HYOU1: variants seen among roughly 807,000 people sequenced by gnomAD.
HYOU1 encodes the protein hypoxia up-regulated 1, also known as hypoxia up-regulated protein 1.
Under a neutral mutation model 120.5 loss-of-function variants are expected in HYOU1, and 40 were observed. The observed-to-expected ratio is 0.33, with a 90% CI of 0.26 to 0.43. The LOEUF is 0.43. Among genes scored for constraint, HYOU1 ranks in the 20% least tolerant of loss-of-function variants. HYOU1 has a pLI of 1.00. For missense variants in HYOU1, 1,085 were observed against 1,278.3 expected, an observed-to-expected ratio of 0.85 and a Z score of 2.31; for synonymous variants, 501 against 479.4, an observed-to-expected ratio of 1.05 and a Z score of -0.59.
chr11:119,045,510 C>A lies in HYOU1; in HGVS notation c.*83G>T. 2 of 1,250,402 alleles carry A rather than the reference C, an allele frequency of 1.6e-6. No homozygotes were observed. The highest frequency in any genetic ancestry group is 3.4e-5 in the Admixed American group (2 of 59,560). 77.5% of individuals were successfully genotyped at this position (1,250,402 alleles called of 1,614,324 possible). Reference sequence around the variant, plus strand: ...GAACTCCAGCCGAGGGCAGGACCAACCCCTCCCCCAACCCTCGATGTTAAA... The same window carrying A: ...GAACTCCAGCCGAGGGCAGGACCAAACCCTCCCCCAACCCTCGATGTTAAA... On this transcript the variant is annotated 3_prime_UTR_variant, in exon 26 of 26. Coordinates refer to ENST00000617285, the MANE Select transcript of HYOU1 (RefSeq NM_006389.5).
rs1944215131 is a variant in HYOU1, at chr11:119,048,409, C to G, written c.2254-39G>C. The G allele has an allele frequency of 6.2e-7, 1 of 1,611,196 alleles. No individual in the cohort carries two copies. Among genetic ancestry groups the G allele is most frequent in the South Asian group, 1.1e-5 (1 of 91,006 alleles). ...CATGTAAACACATGCACCCACAAGC[C>G]CAGAGGCAAGGCCCACAGAGCCAGG... is the stretch of plus-strand genomic sequence containing the variant. On this transcript the variant is annotated intron_variant, in intron 19 of 25. Coordinates refer to ENST00000617285, the MANE Select transcript of HYOU1 (RefSeq NM_006389.5). The surrounding 1 kb of genome is among the most constrained non-coding windows in gnomAD (Gnocchi z 4.7).
chr11:119,052,915 C>A lies in HYOU1; in HGVS notation c.795-86G>T. 1 of 1,261,710 alleles carries A rather than the reference C, an allele frequency of 7.9e-7. No individual in the cohort carries two copies. The highest frequency in any genetic ancestry group is 1.1e-6 in the Non-Finnish European group (1 of 918,758). 78.2% of individuals were successfully genotyped at this position (1,261,710 alleles called of 1,614,324 possible). On this transcript the variant is annotated intron_variant, in intron 8 of 25. Coordinates refer to ENST00000617285, the MANE Select transcript of HYOU1 (RefSeq NM_006389.5). The surrounding 1 kb of genome is among the most constrained non-coding windows in gnomAD (Gnocchi z 5.0). ...AGGAGCCTCTCATCCCCACATGGCACCTTTCCTTCATCTCAGGGGACCTTG... is the reference window on the plus strand; with the variant it reads ...AGGAGCCTCTCATCCCCACATGGCAACTTTCCTTCATCTCAGGGGACCTTG...
At position 119,048,911 on chromosome 11, in the gene HYOU1, C is replaced by G. The variant is rs1302925044; in HGVS notation, c.1993-25G>C. The G allele has an allele frequency of 8.7e-6, 14 of 1,604,012 alleles. No homozygotes were observed. Among genetic ancestry groups the G allele is most frequent in the Non-Finnish European group, 1.1e-5 (13 of 1,175,546 alleles). ...TCTGGGTGGGAAGAGTCAGGGGTGT[C>G]AGGAAAAGCCTCTGCCCTCCTACAT... On this transcript the variant is annotated intron_variant, in intron 17 of 25. Coordinates refer to ENST00000617285, the MANE Select transcript of HYOU1 (RefSeq NM_006389.5). This position sits in a 1 kb window ranked among gnomAD's most constrained non-coding sequence, Gnocchi z 4.7.
At position 119,048,614 on chromosome 11, in the gene HYOU1, G is replaced by A. The variant is rs1478970588; in HGVS notation, c.2166-51C>T. ...TGAGGGAGAGGGCAAGTGAGAACTT[G>A]AGACTCTGGGTCCGACAGCCCTCCC... On this transcript the variant is annotated intron_variant, in intron 18 of 25. Transcript: ENST00000617285. The surrounding 1 kb of genome is among the most constrained non-coding windows in gnomAD (Gnocchi z 4.7). 6.2e-7 allele frequency: 1 copy of A among 1,610,432 alleles called. No homozygotes were observed. The highest frequency in any genetic ancestry group is 8.5e-7 in the Non-Finnish European group (1 of 1,177,596).
Position 119,046,404 on chromosome 11 carries a change from T to C in HYOU1, c.2887+13A>G. Reference sequence around the variant, plus strand: ...CAACATCCACGTGCTCAACCATGGTTGCTCCAACTCACCAGTCTCTACTTT... The same window carrying C: ...CAACATCCACGTGCTCAACCATGGTCGCTCCAACTCACCAGTCTCTACTTT... On this transcript the variant is annotated intron_variant, in intron 24 of 25. Transcript: ENST00000617285. 1 of 1,613,962 alleles carries C rather than the reference T, an allele frequency of 6.2e-7. No individual in the cohort carries two copies. The highest frequency in any genetic ancestry group is 8.5e-7 in the Non-Finnish European group (1 of 1,179,900).
rs2133565625 is a variant in HYOU1 at position 119,048,583 on chromosome 11, T to A, written c.2166-20A>T. On this transcript the variant is annotated intron_variant, in intron 18 of 25. Coordinates refer to ENST00000617285, the MANE Select transcript of HYOU1 (RefSeq NM_006389.5). The surrounding 1 kb of genome is among the most constrained non-coding windows in gnomAD (Gnocchi z 4.7). ...TGAAGTCTATGGGACAAAGGAGGGG[T>A]AGGGATGAGGGAGAGGGCAAGTGAG... 1 of 1,612,896 alleles carries A rather than the reference T, an allele frequency of 6.2e-7. No homozygotes were observed. The highest frequency in any genetic ancestry group is 8.5e-7 in the Non-Finnish European group (1 of 1,179,226).
In HYOU1 at chr11:119,051,299, C is replaced by T; in HGVS notation, c.1527-126G>A. 6.7e-7 allele frequency: 1 copy of T among 1,489,276 alleles called. No homozygotes were observed. The highest frequency in any genetic ancestry group is 9.2e-7 in the Non-Finnish European group (1 of 1,086,406). The allele number at this position is 1,489,276 out of a possible 1,614,324, so 92.3% of individuals were successfully genotyped here. A position where few individuals can be genotyped will look rare whatever the true frequency, so the allele number is the denominator to read the frequency against. On this transcript the variant is annotated intron_variant, in intron 13 of 25. Transcript: ENST00000617285. This position sits in a 1 kb window ranked among gnomAD's most constrained non-coding sequence, Gnocchi z 4.2. Reference sequence around the variant, plus strand: ...AAGGGCACACTCAAGAGGACGGATGCATTCTCCAGCGAAGCTGATCATAGC... The same window carrying T: ...AAGGGCACACTCAAGAGGACGGATGTATTCTCCAGCGAAGCTGATCATAGC...
At chr11:119,056,287 G>A (rs1173877174) in intron 1 of HYOU1, 120 bp from the exon 2 acceptor site, 2 of 761,128 alleles carry the variant, frequency 2.6e-6, no homozygotes, top group Non-Finnish European at 4.5e-6. Context: ...ACCCAGGGCA[G>A]ATCAGCCTAC....
At position 119,054,674 on chromosome 11, in the gene HYOU1, C is replaced by G; in HGVS notation, c.498G>C (p.Glu166Asp). The change falls in exon 7 of 26, where the codon GAG becomes GAC. Residue 166 changes from glutamate (E) to aspartate (D), a missense_variant and splice_region_variant. Physicochemically the swap from Glu to Asp is conservative, Grantham distance 45. This residue lies in a region of HYOU1 where 515 missense variants were observed against 677.8 expected (regional missense o/e 0.76). Transcript: ENST00000617285. ...TGATCACTGCATCCTTGATGGGCTG[C>G]TCTACAGATGACAACAGAAAAGGGT... ...YSRSLAEDFA[E>D]QPIKDAVITV... is the part of the protein sequence containing the mutation. 1 of 1,610,894 alleles carries G rather than the reference C, an allele frequency of 6.2e-7. No homozygotes were observed. The highest frequency in any genetic ancestry group is 8.5e-7 in the Non-Finnish European group (1 of 1,179,604).
Position 119,051,093 on chromosome 11 carries a change from G to C in HYOU1, c.1607C>G (p.Ser536Cys). ...GTTGAAGTGAGCCTTGATGCCCTTG[G>C]ACTCGTAGTCAGGATACTTCTTGAA... is the stretch of plus-strand genomic sequence containing the variant. ...DSFKKYPDYE[S>C]KGIKAHFNLD... Residue 536 changes from serine to cysteine, a missense_variant, in exon 14 of 26, where the codon TCC (serine) becomes TGC (cysteine). This residue lies in a region of HYOU1 where 515 missense variants were observed against 677.8 expected (regional missense o/e 0.76). Transcript: ENST00000617285. The surrounding 1 kb of genome is among the most constrained non-coding windows in gnomAD (Gnocchi z 4.2). The C allele has an allele frequency of 6.2e-7, 1 of 1,614,188 alleles. No homozygotes were observed. Among genetic ancestry groups the C allele is most frequent in the Non-Finnish European group, 8.5e-7 (1 of 1,180,032 alleles).
At position 119,055,080 on chromosome 11, in the gene HYOU1, T is replaced by C. The variant is rs2133609895; in HGVS notation, c.420-20A>G. On this transcript the variant is annotated intron_variant, in intron 5 of 25. Coordinates refer to ENST00000617285, the MANE Select transcript of HYOU1 (RefSeq NM_006389.5). The surrounding 1 kb of genome is among the most constrained non-coding windows in gnomAD (Gnocchi z 4.0). ...AGCTGCCTGAGGGGAAGGAAGGTAG[T>C]TGGAGCCAAGGAAAGCCAGGCATTA... 10 of 1,613,770 alleles carry C rather than the reference T, an allele frequency of 6.2e-6. No individual in the cohort carries two copies. Among genetic ancestry groups the C allele is most frequent in the Non-Finnish European group, 7.6e-6 (9 of 1,179,892 alleles).
chr11:119,055,130 C>G lies in HYOU1; in HGVS notation c.419+55G>C. The G allele has an allele frequency of 6.2e-7, 1 of 1,612,930 alleles. No homozygotes were observed. Among genetic ancestry groups the G allele is most frequent in the Non-Finnish European group, 8.5e-7 (1 of 1,179,176 alleles). On this transcript the variant is annotated intron_variant, in intron 5 of 25. Coordinates refer to ENST00000617285, the MANE Select transcript of HYOU1 (RefSeq NM_006389.5). The surrounding 1 kb of genome is among the most constrained non-coding windows in gnomAD (Gnocchi z 4.0). Reference sequence around the variant, plus strand: ...AAGGCAGGACAATCAGGAACACACACCAATGAGGAGCCCAGCAGCGTTGCC... The same window carrying G: ...AAGGCAGGACAATCAGGAACACACAGCAATGAGGAGCCCAGCAGCGTTGCC...
chr11:119,047,461 C>T lies in HYOU1; in HGVS notation c.2595+273G>A, dbSNP rs1269661690. On this transcript the variant is annotated intron_variant, in intron 22 of 25. Transcript: ENST00000617285. Reference sequence around the variant, plus strand: ...CAGTTTCACCTAGCCAAACCCTGGCCCATGTTCTGAACCTAGCTCAAATCC... The same window carrying T: ...CAGTTTCACCTAGCCAAACCCTGGCTCATGTTCTGAACCTAGCTCAAATCC... The T allele has an allele frequency of 2.6e-5, 11 of 416,368 alleles. No individual in the cohort carries two copies. In the East Asian group the frequency reaches 5.0e-4, roughly 19 times the overall value. 25.8% of individuals were successfully genotyped at this position (416,368 alleles called of 1,614,324 possible). A position where few individuals can be genotyped will look rare whatever the true frequency, so the allele number is the denominator to read the frequency against.
At position 119,047,546 on chromosome 11, in the gene HYOU1, T is replaced by A. The variant is rs2133556972; in HGVS notation, c.2595+188A>T. On this transcript the variant is annotated intron_variant, in intron 22 of 25. Transcript: ENST00000617285. ...GATGGGCTTTTTTGCTCCTCCAGGC[T>A]GATGACTCTTATGGCCATGGCCCTT... 6 of 581,666 alleles carry A rather than the reference T, an allele frequency of 1.0e-5. No homozygotes were observed. In the East Asian group the frequency reaches 1.8e-4, roughly 17 times the overall value. The allele number at this position is 581,666 out of a possible 1,614,324, so 36.0% of individuals were successfully genotyped here. A position where few individuals can be genotyped will look rare whatever the true frequency, so the allele number is the denominator to read the frequency against.
At position 119,055,358 on chromosome 11, in the gene HYOU1, G is replaced by A. The variant is rs2133612876; in HGVS notation, c.265-19C>T. 1 of 1,611,610 alleles carries A rather than the reference G, an allele frequency of 6.2e-7. No homozygotes were observed. Among genetic ancestry groups the A allele is most frequent in the East Asian group, 2.2e-5 (1 of 44,826 alleles). ...TAATCGCCTGAGGGGTGAAGAAGGA[G>A]CAGACTAGTATTAGGCTCCCAAGTC... On this transcript the variant is annotated intron_variant, in intron 4 of 25. Transcript: ENST00000617285. The surrounding 1 kb of genome is among the most constrained non-coding windows in gnomAD (Gnocchi z 4.0).
At chr11:119,049,690 T>A (rs1944304281) in intron 15 of HYOU1, 55 bp from the exon 16 acceptor site, 1 of 1,609,766 alleles carries the variant, frequency 6.2e-7, no homozygotes, top group African/African-American at 1.3e-5. Flanking sequence ...TGACTCCACC[T>A]TCTAACCCAA....
At position 119,044,673 on chromosome 11, in the gene HYOU1, G is replaced by A. The variant is rs1035290478; in HGVS notation, c.*920C>T. On this transcript the variant is annotated 3_prime_UTR_variant, in exon 26 of 26. Transcript: ENST00000617285. ...GACTCACAGTAGAAAGCACATTTTG[G>A]TCAGCCCAGGGGGTCAGGGGGTGAG... is the stretch of plus-strand genomic sequence containing the variant. 1 of 163,094 alleles carries A rather than the reference G, an allele frequency of 6.1e-6. No individual in the cohort carries two copies. Among genetic ancestry groups the A allele is most frequent in the Non-Finnish European group, 1.4e-5 (1 of 73,292 alleles). 10.1% of individuals were successfully genotyped at this position (163,094 alleles called of 1,614,324 possible).
In HYOU1 at chr11:119,052,575, G is replaced by T; in HGVS notation, c.987+62C>A. ...CCAGGCACGAGCAGCCCAGTTCAGT[G>T]GCAGGGTCCCCCACCCTCTACGTGG... On this transcript the variant is annotated intron_variant, in intron 9 of 25. Coordinates refer to ENST00000617285, the MANE Select transcript of HYOU1 (RefSeq NM_006389.5). This position sits in a 1 kb window ranked among gnomAD's most constrained non-coding sequence, Gnocchi z 5.0. 2 of 1,572,410 alleles carry T rather than the reference G, an allele frequency of 1.3e-6. No homozygotes were observed. Among genetic ancestry groups the T allele is most frequent in the South Asian group, 2.4e-5 (2 of 84,812 alleles).
Position 119,052,587 on chromosome 11 carries a change from C to A in HYOU1, c.987+50G>T. On this transcript the variant is annotated intron_variant, in intron 9 of 25. Coordinates refer to ENST00000617285, the MANE Select transcript of HYOU1 (RefSeq NM_006389.5). This position sits in a 1 kb window ranked among gnomAD's most constrained non-coding sequence, Gnocchi z 5.0. ...AGCCCAGTTCAGTGGCAGGGTCCCC[C>A]ACCCTCTACGTGGGACAAAATATAG... 1 of 1,579,476 alleles carries A rather than the reference C, an allele frequency of 6.3e-7. No homozygotes were observed. Among genetic ancestry groups the A allele is most frequent in the Non-Finnish European group, 8.6e-7 (1 of 1,159,482 alleles).
Sources: gnomAD v4.1 joint callset for allele counts on GRCh38, gnomAD v4.1.1 for gene constraint, gnomAD v4.1.1 regional missense constraint, Gnocchi (gnomAD v3.1) non-coding constraint, MANE v1.5 for transcripts, NCBI Gene and HGNC (gene_info 2026-07-23, HGNC 2026-07-21) for gene names.